The following KANSL2 variants were observed in gnomAD, a reference collection of about 807,000 sequenced individuals.
The protein encoded by KANSL2 is NSL complex protein NSL2.
A neutral mutation model predicts 55.6 loss-of-function variants in KANSL2; 34 were observed. The observed-to-expected ratio is 0.61, with a 90% CI of 0.46 to 0.81. The LOEUF (loss-of-function observed/expected upper bound fraction) is 0.81, where lower values mean the gene tolerates loss of function less well. KANSL2 is among the 40% of genes least tolerant of loss of function. The pLI, the probability that KANSL2 is intolerant of heterozygous loss-of-function variation, is 0.00. For synonymous variants in KANSL2, 209 were observed against 214.3 expected (o/e 0.98, Z 0.22); for missense variants, 502 against 609.9 (o/e 0.82, Z 1.86).
At chr12:48,670,060 G>C (rs953747019) in intron 5 of KANSL2, among the ~76,000 whole-genome samples, 3 of 151,946 alleles carry the variant, frequency 2.0e-5, no homozygotes, top group African/African-American at 7.3e-5. Flanking sequence ...AATTAGCTGG[G>C]CGTGGTGGCA....
intron 4 of KANSL2, among the ~76,000 whole-genome samples, chr12:48,672,410 T>TGC (rs1491475740): frequency 4.8e-4 from 36 of 74,766 alleles, no homozygotes; most frequent in African/African-American, 1.5e-3. Flanking sequence ...TATATATACG[T>TGC]ATATATATAT....
At chr12:48,658,197 C>A (rs960103591) in intron 8 of KANSL2, among the ~76,000 whole-genome samples, 4 of 152,088 alleles carry the variant, frequency 2.6e-5, no homozygotes, top group Non-Finnish European at 5.9e-5. Flanking sequence ...CGCCAATGCA[C>A]TCCAGCCTAG....
chr12:48,677,784 CAAAAAAA>C (rs56147873), intron 4 of KANSL2, among the ~76,000 whole-genome samples: 9 of 47,676 alleles, frequency 1.9e-4, no homozygotes, highest in African/African-American at 4.3e-4. Flanking sequence ...GACTCCATCT[CAAAAAAA>C]AAAAAAAAAA....
chr12:48,672,758 C>T (rs557207210), intron 4 of KANSL2, among the ~76,000 whole-genome samples: 2 of 151,358 alleles, frequency 1.3e-5, no homozygotes, highest in South Asian at 2.1e-4. Flanking sequence ...AAGATACCAA[C>T]ATCAAATAAT....
At position 48,667,191 on chromosome 12, in the gene KANSL2, A is replaced by C. The variant is rs80088476; in HGVS notation, c.973+502T>G. ...TAGAGCAAAACTCCATCTCCAAAAA[A>C]TAAAAAATAAAATAAAATACAGAAG... On this transcript the variant is annotated intron_variant, in intron 7 of 9. Transcript: ENST00000420613. 1.3e-4 allele frequency among the ~76,000 whole-genome samples: 20 copies of C among 152,348 alleles called. No homozygotes were observed. In the East Asian group the frequency reaches 3.9e-3, roughly 29 times the overall value.
intron 7 of KANSL2, among the ~76,000 whole-genome samples, chr12:48,666,060 T>C (rs985911944): frequency 6.6e-6 from 1 of 151,466 alleles, no homozygotes; most frequent in Admixed American, 6.6e-5. Context: ...AAAAATTAAA[T>C]AAAATTAGCT....
At chr12:48,654,511 A>T (rs779561709) in intron 9 of KANSL2, 6 of 630,002 alleles carry the variant, frequency 9.5e-6, no homozygotes, top group Non-Finnish European at 1.9e-5. Flanking sequence ...GTCTTCAGTC[A>T]GGGCCACTGG....
intron 4 of KANSL2, among the ~76,000 whole-genome samples, chr12:48,673,398 G>A (rs940196759): frequency 6.6e-6 from 1 of 151,272 alleles, no homozygotes; most frequent in East Asian, 2.0e-4. Context: ...CGTCTCTACT[G>A]AAAATACGAA....
intron 4 of KANSL2, among the ~76,000 whole-genome samples, chr12:48,675,466 T>A (rs1279151256): frequency 6.6e-6 from 1 of 152,214 alleles, no homozygotes; most frequent in Non-Finnish European, 1.5e-5. Flanking sequence ...AAATGGGTTA[T>A]GCCTACATTA....
intron 8 of KANSL2, among the ~76,000 whole-genome samples, chr12:48,656,987 TA>T (rs1939396272): frequency 6.6e-6 from 1 of 152,224 alleles, no homozygotes; most frequent in Admixed American, 6.5e-5. Flanking sequence ...TAAATAAATC[TA>T]AGAATTTGCA....
At position 48,653,306 on chromosome 12, in the gene KANSL2, C is replaced by T. The variant is rs539781826; in HGVS notation, c.*738G>A. The T allele has an allele frequency of 1.3e-5, 2 of 152,564 alleles. No homozygotes were observed. The highest frequency in any genetic ancestry group is 4.8e-5 in the African/African-American group (2 of 41,436). 9.5% of individuals were successfully genotyped at this position (152,564 alleles called of 1,614,324 possible). A position where few individuals can be genotyped will look rare whatever the true frequency, so the allele number is the denominator to read the frequency against. On this transcript the variant is annotated 3_prime_UTR_variant, in exon 10 of 10. Transcript: ENST00000420613. ...TGAGCTACTGAAGATTTATTTACTT[C>T]TTGGGATGGAAGTATCATCTGTCCC...
At chr12:48,674,203 C>T (rs553279821) in intron 4 of KANSL2, among the ~76,000 whole-genome samples, 1 of 152,262 alleles carries the variant, frequency 6.6e-6, no homozygotes, top group African/African-American at 2.4e-5. Flanking sequence ...TGAAGTGGCA[C>T]AATGTTGGCT....
chr12:48,654,413 C>A (rs1939337747), intron 9 of KANSL2: 1 of 741,246 alleles, frequency 1.3e-6, no homozygotes, highest in South Asian at 1.4e-5. Flanking sequence ...TAGCCATTCC[C>A]TACTGAGGTC....
At chr12:48,656,763 T>C (rs570702540) in intron 8 of KANSL2, 5 of 516,784 alleles carry the variant, frequency 9.7e-6, no homozygotes, top group Admixed American at 5.9e-5. Flanking sequence ...AGCAAACCAT[T>C]GGTCTTGATT....
intron 1 of KANSL2, 52 bp downstream of exon 1, chr12:48,682,135 G>A (rs60042519): frequency 7.1e-6 from 5 of 702,626 alleles, no homozygotes; most frequent in Non-Finnish European, 1.3e-5. Flanking sequence ...CAAAAAGAGC[G>A]AAATAGCAGC....
chr12:48,655,046 C>G lies in KANSL2; in HGVS notation c.1242G>C (p.Val414=), dbSNP rs1465611233. The G allele has an allele frequency of 6.3e-7, 1 of 1,579,028 alleles. No homozygotes were observed. Among genetic ancestry groups the G allele is most frequent in the Non-Finnish European group, 8.6e-7 (1 of 1,162,146 alleles). ...AAGGAGGACACTGCATACCATCACC[C>G]ACAACATCCAAGTCCTAGAAAAAAG... ...PLEFSDDLDV[V]GDGMQCPPSP... The change falls in exon 9 of 10, where the codon GTG becomes GTC. Residue 414 remains valine, a synonymous_variant. Transcript: ENST00000420613.
At chr12:48,681,007 G>A (rs1315623202) in intron 2 of KANSL2, among the ~76,000 whole-genome samples, 1 of 151,438 alleles carries the variant, frequency 6.6e-6, no homozygotes, top group Non-Finnish European at 1.5e-5. Flanking sequence ...AGGGCCGGGC[G>A]CGGTCGCTCA....
At chr12:48,675,711 C>T (rs1190306575) in intron 4 of KANSL2, among the ~76,000 whole-genome samples, 1 of 152,206 alleles carries the variant, frequency 6.6e-6, no homozygotes, top group Non-Finnish European at 1.5e-5. Context: ...AAGCAACCTA[C>T]TAAATGAATG....
At chr12:48,663,208 TTAAAA>T (rs1311446209) in intron 7 of KANSL2, among the ~76,000 whole-genome samples, 3 of 152,216 alleles carry the variant, frequency 2.0e-5, no homozygotes, top group African/African-American at 4.8e-5. Context: ...GATTATCTCC[TTAAAA>T]TAAATTCCCA....
Sources: gnomAD v4.1 joint callset for allele counts (sites outside exome capture counted in the v4.1 genomes callset) on GRCh38, gnomAD v4.1.1 for gene constraint, MANE v1.5 for transcripts, NCBI Gene and HGNC (gene_info 2026-07-23, HGNC 2026-07-21) for gene names.